PCDH15: variants seen among roughly 807,000 people sequenced by gnomAD.
The protein encoded by PCDH15 is protocadherin related 15, also known as protocadherin-15.
In PCDH15, 129 loss-of-function variants were observed where a neutral mutation model predicts 178.5. The observed-to-expected ratio is 0.72, with a 90% confidence interval of 0.63 to 0.84. PCDH15 has a LOEUF of 0.84. Ranked by LOEUF, PCDH15 falls within the 40% of genes least tolerant of loss-of-function variation. The probability of loss-of-function intolerance (pLI) is 0.00; values close to 1 mark genes in which losing one functional copy is unlikely to be tolerated. For synonymous variants in PCDH15, 800 were observed against 732.0 expected (o/e 1.09, Z -1.50); for missense variants, 2,230 against 2,099.9 (o/e 1.06, Z -1.21).
At chr10:54,141,260 G>A (rs1204259032) in intron 14 of PCDH15, among the ~76,000 whole-genome samples, 1 of 151,944 alleles carries the variant, frequency 6.6e-6, no homozygotes, top group Non-Finnish European at 1.5e-5. Context: ...CCTTTGTCAA[G>A]CTTCAAAACA....
chr10:54,613,588 G>A (rs569460314), intron 2 of PCDH15, among the ~76,000 whole-genome samples: 1 of 151,350 alleles, frequency 6.6e-6, no homozygotes, highest in Non-Finnish European at 1.5e-5. Context: ...TGTAGAGTAG[G>A]GTCTCTGACA....
At chr10:54,369,022 G>T in intron 5 of PCDH15, 98 bp downstream of exon 5, 1 of 1,338,494 alleles carries the variant, frequency 7.5e-7, no homozygotes, top group Non-Finnish European at 1.1e-6. Context: ...AAACAGTTAA[G>T]CTCATAATTT....
At chr10:54,441,986 T>C (rs558295200) in intron 3 of PCDH15, among the ~76,000 whole-genome samples, 5 of 151,902 alleles carry the variant, frequency 3.3e-5, no homozygotes, top group Non-Finnish European at 5.9e-5. Context: ...TAACATATTT[T>C]ATAATGAATC....
At chr10:55,214,948 T>C (rs997441512) in intron 1 of PCDH15, among the ~76,000 whole-genome samples, 3 of 152,138 alleles carry the variant, frequency 2.0e-5, no homozygotes, top group Admixed American at 2.0e-4. Flanking sequence ...TCAGGTAAGC[T>C]TGAATTTGAG....
At chr10:55,544,177 A>G (rs917317551) in intron 2 of PCDH15, among the ~76,000 whole-genome samples, 1 of 94,836 alleles carries the variant, frequency 1.1e-5, no homozygotes, top group Non-Finnish European at 2.5e-5. Context: ...TATATATATT[A>G]TACTGACAGT....
chr10:54,741,807 T>C (rs1232675473), intron 1 of PCDH15, among the ~76,000 whole-genome samples: 1 of 151,970 alleles, frequency 6.6e-6, no homozygotes, highest in Non-Finnish European at 1.5e-5. Context: ...GCTTCTCTCT[T>C]CGACTTCAAA....
chr10:55,167,466 A>G (rs1046950535), intron 1 of PCDH15, among the ~76,000 whole-genome samples: 2 of 152,142 alleles, frequency 1.3e-5, no homozygotes, highest in Admixed American at 1.3e-4. Context: ...TTTTATACCA[A>G]TAATTTTATT....
rs1238811131 is a variant in PCDH15, at chr10:53,810,594, C to T, written c.4633G>A (p.Val1545Met). 14 of 1,613,888 alleles carry T rather than the reference C, an allele frequency of 8.7e-6. No homozygotes were observed. In the South Asian group the frequency reaches 1.4e-4, roughly 16 times the overall value. The stretch of plus-strand genomic sequence containing the variant: ...TATTCTTCCTCAGCTTCACCAACCA[C>T]CTCACCATATTCCTCCTGTCCAGCT... ...PPAGQEEYGE[V>M]VGEAEEEYEE... Residue 1545 changes from valine (V) to methionine (M), a missense_variant, in exon 37 of 38, where the codon GTG becomes ATG. Physicochemically the swap from Val to Met is conservative, Grantham distance 21. Coordinates refer to ENST00000644397, the MANE Select transcript of PCDH15 (RefSeq NM_001384140.1).
intron 32 of PCDH15, among the ~76,000 whole-genome samples, chr10:53,820,797 G>A (rs10825113): frequency 0.31 from 46,790 of 151,718 alleles, 7,973 homozygotes; most frequent in African/African-American, 0.46. Context: ...CAATTGGAGC[G>A]CTAAGAACTA....
At chr10:54,830,498 AC>A (rs1953204592) in intron 3 of PCDH15, among the ~76,000 whole-genome samples, 1 of 148,308 alleles carries the variant, frequency 6.7e-6, no homozygotes, top group African/African-American at 2.5e-5. Context: ...AAAACCAAAC[AC>A]CGCATGTTCT....
intron 2 of PCDH15, among the ~76,000 whole-genome samples, chr10:55,103,853 A>T (rs1243621237): frequency 6.6e-6 from 1 of 152,134 alleles, no homozygotes; most frequent in Admixed American, 6.6e-5. Context: ...GTCCAATATC[A>T]AAAGAACTTT....
At chr10:54,928,045 C>T (rs1837676197) in intron 2 of PCDH15, among the ~76,000 whole-genome samples, 1 of 151,988 alleles carries the variant, frequency 6.6e-6, no homozygotes, top group Admixed American at 6.6e-5. Context: ...AGTCTGTGTA[C>T]TTAAGTGTGT....
chr10:54,578,075 G>T (rs952986413), intron 2 of PCDH15, among the ~76,000 whole-genome samples: 1 of 152,060 alleles, frequency 6.6e-6, no homozygotes, highest in African/African-American at 2.4e-5. Flanking sequence ...TATCACAATG[G>T]TTAAGTTTTA....
At position 54,901,702 on chromosome 10, in the gene PCDH15, A is replaced by G. The variant is rs147621130; in HGVS notation, c.-79-4202T>C. On this transcript the variant is annotated intron_variant, in intron 2 of 5. Transcript: ENST00000458638. ...ACTCATATTATAATCCATTACTTCT[A>G]TAGAAAAACCTCACTGAAAATGACT... is the stretch of plus-strand genomic sequence containing the variant. Among the ~76,000 whole-genome samples, 920 of 152,274 alleles carry G rather than the reference A, an allele frequency of 6.0e-3. 10 individuals carry two copies. Among genetic ancestry groups the G allele is most frequent in the African/African-American group, 0.02 (831 of 41,568 alleles).
chr10:55,412,591 T>A (rs146613268), intron 2 of PCDH15, among the ~76,000 whole-genome samples: 1 of 151,832 alleles, frequency 6.6e-6, no homozygotes, highest in Non-Finnish European at 1.5e-5. Flanking sequence ...TCAAATTATA[T>A]AAAGAATGGC....
At chr10:55,022,270 T>C (rs1156399535) in intron 2 of PCDH15, among the ~76,000 whole-genome samples, 1 of 151,916 alleles carries the variant, frequency 6.6e-6, no homozygotes, top group Non-Finnish European at 1.5e-5. Flanking sequence ...CTGGCCAACA[T>C]GGTAAACCCT....
intron 8 of PCDH15, among the ~76,000 whole-genome samples, chr10:54,305,124 T>C (rs1361836619): frequency 1.3e-5 from 2 of 152,144 alleles, no homozygotes; most frequent in Non-Finnish European, 2.9e-5. Flanking sequence ...ATTTCTTTTC[T>C]GATGACCTCA....
chr10:55,070,212 C>A (rs1450764633), intron 2 of PCDH15, among the ~76,000 whole-genome samples: 1 of 152,086 alleles, frequency 6.6e-6, no homozygotes, highest in Non-Finnish European at 1.5e-5. Context: ...CGAAAATTTT[C>A]TTCCATTCTG....
At position 54,891,266 on chromosome 10, in the gene PCDH15, A is replaced by T. The variant is rs539947902; in HGVS notation, c.-29+6184T>A. On this transcript the variant is annotated intron_variant, in intron 3 of 5. Transcript: ENST00000458638. ...CTTTAGAGGAAATGCTGAGAGAAAA[A>T]ATAGGCAAATTCTATCTTCTAACAT... Among the ~76,000 whole-genome samples the T allele has an allele frequency of 2.6e-5, 4 of 152,230 alleles. No individual in the cohort carries two copies. The South Asian group carries it at 8.3e-4, about 32-fold the overall frequency.
Sources: allele counts gnomAD v4.1 joint callset (sites outside exome capture counted in the v4.1 genomes callset), GRCh38; gene constraint gnomAD v4.1.1; transcripts MANE v1.5; gene names NCBI Gene and HGNC (gene_info 2026-07-23, HGNC 2026-07-21).